Variants in SHISA5 observed in about 807,000 individuals in gnomAD.
SHISA5 encodes shisa family member 5, also known as protein shisa-5.
In SHISA5, 21 loss-of-function variants were observed where a neutral mutation model predicts 27.5. The observed-to-expected ratio is 0.76, with a 90% confidence interval of 0.54 to 1.10. The LOEUF (loss-of-function observed/expected upper bound fraction) is 1.10. SHISA5 is among the 50% of genes least tolerant of loss of function. The pLI, the probability that SHISA5 is intolerant of heterozygous loss-of-function variation, is 0.00. For synonymous variants in SHISA5, 137 were observed against 142.2 expected, an observed-to-expected ratio of 0.96 and a Z score of 0.26; for missense variants, 314 against 336.3, an observed-to-expected ratio of 0.93 and a Z score of 0.52.
At position 48,504,085 on chromosome 3, in the gene SHISA5, G is replaced by C; in HGVS notation, c.10C>G (p.Pro4Ala). 5.8e-6 allele frequency: 8 copies of C among 1,376,226 alleles called. No homozygotes were observed. The highest frequency in any genetic ancestry group is 7.6e-6 in the Non-Finnish European group (8 of 1,054,304). The allele number at this position is 1,376,226 out of a possible 1,614,324, so 85.3% of individuals were successfully genotyped here. A position where few individuals can be genotyped will look rare whatever the true frequency, so the allele number is the denominator to read the frequency against. Residue 4 changes from proline to alanine, a missense_variant, in exon 1 of 6, where the codon CCG (proline) becomes GCG (alanine). Coordinates refer to ENST00000296444, the MANE Select transcript of SHISA5 (RefSeq NM_016479.6). This position sits in a 1 kb window ranked among gnomAD's most constrained non-coding sequence, Gnocchi z 4.0. MTA[P>A]VPAPRILLPL... Reference sequence around the variant, plus strand: ...AACAGGATCCGCGGCGCGGGGACCGGCGCAGTCATGGCTGGGCGGGCGGAC... The same window carrying C: ...AACAGGATCCGCGGCGCGGGGACCGCCGCAGTCATGGCTGGGCGGGCGGAC...
chr3:48,485,661 A>C (rs1489816994), intron 2 of SHISA5, among the ~76,000 whole-genome samples: 2 of 143,666 alleles, frequency 1.4e-5, no homozygotes, highest in African/African-American at 5.2e-5. Flanking sequence ...ATTTATATAT[A>C]AAATCTACAT....
At chr3:48,477,363 T>A (rs1027862019) in intron 3 of SHISA5, among the ~76,000 whole-genome samples, 1 of 152,150 alleles carries the variant, frequency 6.6e-6, no homozygotes, top group African/African-American at 2.4e-5. Context: ...CCCAAAGTGC[T>A]GGGATTATAA....
rs938543134 is a variant in SHISA5, at chr3:48,468,860, G to T, written c.*247C>A. On this transcript the variant is annotated 3_prime_UTR_variant, in exon 6 of 6. Coordinates refer to ENST00000296444, the MANE Select transcript of SHISA5 (RefSeq NM_016479.6). ...CTTTGAGTTTGGCTTGAGATTTTAG[G>T]AAGCATAATTTCAGGTGAGGAAGAG... 2.0e-6 allele frequency: 3 copies of T among 1,521,540 alleles called. No homozygotes were observed. The highest frequency in any genetic ancestry group is 1.4e-5 in the African/African-American group (1 of 72,884). 94.3% of individuals were successfully genotyped at this position (1,521,540 alleles called of 1,614,324 possible). A position where few individuals can be genotyped will look rare whatever the true frequency, so the allele number is the denominator to read the frequency against.
At chr3:48,498,918 C>T (rs1368945141) in intron 2 of SHISA5, among the ~76,000 whole-genome samples, 1 of 151,078 alleles carries the variant, frequency 6.6e-6, no homozygotes, top group Non-Finnish European at 1.5e-5. Flanking sequence ...CCTGTCTCTA[C>T]TAAAAAATAC....
intron 2 of SHISA5, among the ~76,000 whole-genome samples, chr3:48,486,472 TTA>T (rs587765609): frequency 0.013 from 1,361 of 108,280 alleles, 38 homozygotes; most frequent in African/African-American, 0.048. Flanking sequence ...TATAATTATA[TTA>T]TATATATTAC....
chr3:48,469,004 C>G lies in SHISA5; in HGVS notation c.*103G>C. 6.3e-7 allele frequency: 1 copy of G among 1,578,322 alleles called. No individual in the cohort carries two copies. ...ACACATGGGGCGTAAGGAACCGTGCCTGGACACACACAGCACACATGGGGC... is the reference window on the plus strand; with the variant it reads ...ACACATGGGGCGTAAGGAACCGTGCGTGGACACACACAGCACACATGGGGC... On this transcript the variant is annotated 3_prime_UTR_variant, in exon 6 of 6. Coordinates refer to ENST00000296444, the MANE Select transcript of SHISA5 (RefSeq NM_016479.6). This position sits in a 1 kb window ranked among gnomAD's most constrained non-coding sequence, Gnocchi z 4.6.
At chr3:48,480,107 G>A (rs1340205346) in intron 2 of SHISA5, among the ~76,000 whole-genome samples, 1 of 142,918 alleles carries the variant, frequency 7.0e-6, no homozygotes, top group East Asian at 2.2e-4. Flanking sequence ...GTTTCACCGT[G>A]TTAGCCAGGA....
intron 2 of SHISA5, among the ~76,000 whole-genome samples, chr3:48,485,232 A>G (rs1481057176): frequency 6.6e-6 from 1 of 152,036 alleles, no homozygotes; most frequent in Non-Finnish European, 1.5e-5. Context: ...ACGGTGGCTC[A>G]CGCCTGTAAT....
chr3:48,468,614 C>T lies in SHISA5; in HGVS notation c.*493G>A, dbSNP rs116221604. 7.3e-4 allele frequency: 867 copies of T among 1,195,534 alleles called. 1 individual carries two copies. The highest frequency in any genetic ancestry group is 8.7e-4 in the Non-Finnish European group (821 of 945,766). 74.1% of individuals were successfully genotyped at this position (1,195,534 alleles called of 1,614,324 possible). ...CTGCATCATGTCCCTGGCTCTGCAACGGGTACCCCCAACTCCGGGGACGAG... is the reference window on the plus strand; with the variant it reads ...CTGCATCATGTCCCTGGCTCTGCAATGGGTACCCCCAACTCCGGGGACGAG... On this transcript the variant is annotated 3_prime_UTR_variant, in exon 6 of 6. Transcript: ENST00000296444.
chr3:48,499,674 G>A (rs372569520), intron 2 of SHISA5, among the ~76,000 whole-genome samples: 1 of 134,888 alleles, frequency 7.4e-6, no homozygotes, highest in Non-Finnish European at 1.6e-5. Flanking sequence ...GTGACAGAGC[G>A]AGACTCTGTC....
chr3:48,501,402 A>G, intron 1 of SHISA5, 109 bp from the exon 2 acceptor site: 1 of 1,279,040 alleles, frequency 7.8e-7, no homozygotes, highest in Non-Finnish European at 1.1e-6. Flanking sequence ...CACATGCTGC[A>G]CCGTCTCTGA....
intron 2 of SHISA5, among the ~76,000 whole-genome samples, chr3:48,489,230 T>A (rs2041346927): frequency 6.6e-6 from 1 of 151,422 alleles, no homozygotes; most frequent in East Asian, 1.9e-4. Flanking sequence ...TCAGCTATCA[T>A]TAGTGTGTTT....
intron 2 of SHISA5, among the ~76,000 whole-genome samples, chr3:48,486,513 ATAC>A (rs1172857278): frequency 1.7e-5 from 2 of 116,900 alleles, no homozygotes; most frequent in African/African-American, 6.8e-5. Flanking sequence ...ATTATATAAT[ATAC>A]AATATATATA....
Position 48,468,215 on chromosome 3 carries a change from C to T in SHISA5, c.*892G>A. On this transcript the variant is annotated 3_prime_UTR_variant, in exon 6 of 6. Transcript: ENST00000296444. ...CAACCCAGGGGTTTCAGTCTCATAT[C>T]AACTATCATGTTTGAAACAGAAAAC... is the stretch of plus-strand genomic sequence containing the variant. 1.0e-6 allele frequency: 1 copy of T among 1,002,284 alleles called. No homozygotes were observed. 62.1% of individuals were successfully genotyped at this position (1,002,284 alleles called of 1,614,324 possible). A position where few individuals can be genotyped will look rare whatever the true frequency, so the allele number is the denominator to read the frequency against.
At chr3:48,489,297 T>C (rs1408322371) in intron 2 of SHISA5, among the ~76,000 whole-genome samples, 2 of 151,562 alleles carry the variant, frequency 1.3e-5, no homozygotes, top group Non-Finnish European at 2.9e-5. Context: ...AGGCAAAAGA[T>C]TGGACACCCC....
chr3:48,497,463 ATCTTGGCCAGGCAGG>A (rs1244544164), intron 2 of SHISA5, among the ~76,000 whole-genome samples: 1 of 150,942 alleles, frequency 6.6e-6, no homozygotes, highest in Non-Finnish European at 1.5e-5. Context: ...GGGTTTCCCC[ATCTTGGCCAGGCAGG>A]TCTTGATCTC....
chr3:48,501,356 C>A (rs1162027241), intron 1 of SHISA5, 63 bp from the exon 2 acceptor site: 2 of 1,562,774 alleles, frequency 1.3e-6, no homozygotes, highest in South Asian at 1.2e-5. Context: ...AGACACAGCG[C>A]CCTCCCTGGC....
chr3:48,480,530 G>A (rs749762732), intron 2 of SHISA5, among the ~76,000 whole-genome samples: 1 of 152,186 alleles, frequency 6.6e-6, no homozygotes, highest in Non-Finnish European at 1.5e-5. Context: ...GGGGGCCGAG[G>A]AGGGTGGATC....
intron 2 of SHISA5, among the ~76,000 whole-genome samples, chr3:48,480,434 T>A (rs1426408927): frequency 2.0e-5 from 3 of 152,100 alleles, no homozygotes; most frequent in African/African-American, 7.2e-5. Context: ...AACTAAATGA[T>A]GAAAATACAT....
Sources: gnomAD v4.1 joint callset for allele counts (sites outside exome capture counted in the v4.1 genomes callset) on GRCh38, gnomAD v4.1.1 for gene constraint, Gnocchi (gnomAD v3.1) non-coding constraint, MANE v1.5 for transcripts, NCBI Gene and HGNC (gene_info 2026-07-23, HGNC 2026-07-21) for gene names.